NRXN3: variants seen among roughly 807,000 people sequenced by gnomAD.
The protein encoded by NRXN3 is neurexin III.
NRXN3 carries 32 observed loss-of-function variants against 137.6 expected under a neutral mutation model. The ratio of observed to expected loss-of-function variants is 0.23; its 90% CI spans 0.18 to 0.31. The LOEUF (loss-of-function observed/expected upper bound fraction) is 0.31, where lower values mean the gene tolerates loss of function less well. Among genes scored for constraint, NRXN3 ranks in the 10% least tolerant of loss-of-function variants. The pLI is 1.00. For missense variants in NRXN3, 1,574 were observed against 2,062.5 expected (o/e 0.76, Z 4.59); for synonymous variants, 798 against 784.5 (o/e 1.02, Z -0.29).
intron 4 of NRXN3, among the ~76,000 whole-genome samples, chr14:78,478,944 G>A (rs187118920): frequency 4.6e-5 from 7 of 152,244 alleles, no homozygotes; most frequent in Admixed American, 6.5e-5. Context: ...CAAGCTCTAT[G>A]CAGAGATGTG....
intron 15 of NRXN3, among the ~76,000 whole-genome samples, chr14:79,143,491 C>A (rs1304140153): frequency 6.6e-6 from 1 of 152,216 alleles, no homozygotes; most frequent in Non-Finnish European, 1.5e-5. Flanking sequence ...AGATTTCATC[C>A]ACCAGGCTAA....
intron 4 of NRXN3, among the ~76,000 whole-genome samples, chr14:78,602,096 C>A (rs747630518): frequency 1.3e-5 from 2 of 152,168 alleles, no homozygotes; most frequent in Non-Finnish European, 2.9e-5. Flanking sequence ...GGGCGCTGAC[C>A]TGTAGCTCAC....
chr14:79,653,141 A>C (rs907748633), intron 16 of NRXN3, among the ~76,000 whole-genome samples: 1 of 152,068 alleles, frequency 6.6e-6, no homozygotes, highest in Non-Finnish European at 1.5e-5. Flanking sequence ...GGAAAGGAAA[A>C]ATGAGCCCTT....
At chr14:79,761,875 G>T (rs1479813097) in intron 19 of NRXN3, among the ~76,000 whole-genome samples, 1 of 151,524 alleles carries the variant, frequency 6.6e-6, no homozygotes, top group Admixed American at 6.6e-5. Context: ...AAAGGAAGAG[G>T]ATGTCTTATC....
At chr14:79,848,482 T>C (rs1462396950) in intron 20 of NRXN3, among the ~76,000 whole-genome samples, 1 of 103,464 alleles carries the variant, frequency 9.7e-6, no homozygotes, top group Non-Finnish European at 1.9e-5. Context: ...ATTGTTAGTG[T>C]TAGTGTTTTT....
At chr14:78,343,283 T>A (rs2082341173) in intron 4 of NRXN3, among the ~76,000 whole-genome samples, 1 of 152,208 alleles carries the variant, frequency 6.6e-6, no homozygotes, top group South Asian at 2.1e-4. Flanking sequence ...ATATGGAATA[T>A]CATAATCTCA....
chr14:78,667,189 A>T (rs918226862), intron 6 of NRXN3, among the ~76,000 whole-genome samples: 6 of 152,088 alleles, frequency 3.9e-5, no homozygotes, highest in Non-Finnish European at 8.8e-5. Flanking sequence ...TAGGAGGTAG[A>T]CTTCCAGGTT....
chr14:78,963,261 G>T (rs956752007), intron 11 of NRXN3, among the ~76,000 whole-genome samples: 2 of 152,088 alleles, frequency 1.3e-5, no homozygotes, highest in Non-Finnish European at 2.9e-5. Context: ...TTCTCTGAAA[G>T]TTCTCAACTT....
chr14:79,212,015 C>G (rs145676978), intron 15 of NRXN3, among the ~76,000 whole-genome samples: 1 of 151,968 alleles, frequency 6.6e-6, no homozygotes, highest in Non-Finnish European at 1.5e-5. Context: ...TTTTCTTTTT[C>G]CTTCATTCTG....
At position 79,853,520 on chromosome 14, in the gene NRXN3, G is replaced by GC. The variant is rs767232654; in HGVS notation, c.4094-7819dup. ...GTAGGCTCATTTGTTTTTGTATATT[G>GC]CCCATCCCTTCCTTACAGCCAGAAG... On this transcript the variant is annotated intron_variant, in intron 20 of 20. Coordinates refer to ENST00000335750, the MANE Select transcript of NRXN3 (RefSeq NM_001330195.2). 8.2e-6 allele frequency: 11 copies of GC among 1,339,638 alleles called. No individual in the cohort carries two copies. The East Asian group carries it at 1.4e-4, about 17-fold the overall frequency. The allele number at this position is 1,339,638 out of a possible 1,614,324, so 83.0% of individuals were successfully genotyped here. A position where few individuals can be genotyped will look rare whatever the true frequency, so the allele number is the denominator to read the frequency against.
chr14:79,039,264 T>C (rs1311334147), intron 15 of NRXN3, among the ~76,000 whole-genome samples: 1 of 152,160 alleles, frequency 6.6e-6, no homozygotes, highest in Non-Finnish European at 1.5e-5. Context: ...ATGTACTCAC[T>C]GAGAAAAATC....
chr14:79,133,110 A>G (rs927084540), intron 15 of NRXN3, among the ~76,000 whole-genome samples: 2 of 152,358 alleles, frequency 1.3e-5, no homozygotes, highest in South Asian at 4.1e-4. Flanking sequence ...TTGCAGGGTG[A>G]GCTGGGCAGC....
At chr14:78,362,592 G>C (rs1166220428) in intron 4 of NRXN3, among the ~76,000 whole-genome samples, 2 of 152,140 alleles carry the variant, frequency 1.3e-5, no homozygotes, top group Admixed American at 1.3e-4. Flanking sequence ...GAGTTGTATA[G>C]TCATGGTGAG....
At chr14:79,171,101 C>T (rs1458826721) in intron 15 of NRXN3, among the ~76,000 whole-genome samples, 2 of 152,090 alleles carry the variant, frequency 1.3e-5, no homozygotes, top group African/African-American at 4.8e-5. Context: ...AGGTTTTACT[C>T]TTCCCTTGAA....
chr14:78,860,566 G>A (rs1183364250), intron 10 of NRXN3, among the ~76,000 whole-genome samples: 1 of 151,968 alleles, frequency 6.6e-6, no homozygotes, highest in Non-Finnish European at 1.5e-5. Context: ...GTCACTTTAG[G>A]TTATGACAAC....
chr14:79,386,488 G>A (rs1440222414), intron 15 of NRXN3, among the ~76,000 whole-genome samples: 1 of 152,190 alleles, frequency 6.6e-6, no homozygotes, highest in Non-Finnish European at 1.5e-5. Flanking sequence ...CATGCTCATG[G>A]GTAGGAAGAA....
Position 79,742,803 on chromosome 14 carries a change from G to A in NRXN3, c.4014+44866G>A, listed in dbSNP as rs867183640. On this transcript the variant is annotated intron_variant, in intron 19 of 20. Coordinates refer to ENST00000335750, the MANE Select transcript of NRXN3 (RefSeq NM_001330195.2). ...GAAGTTAGTAGATTATTAAACTAAC[G>A]TATGCTTTATAAATACTTCTTCATT... is the stretch of plus-strand genomic sequence containing the variant. Among the ~76,000 whole-genome samples, 115 of 152,250 alleles carry A rather than the reference G, an allele frequency of 7.6e-4. 1 individual carries two copies. In the Middle Eastern group the frequency reaches 0.01, roughly 14 times the overall value.
intron 4 of NRXN3, among the ~76,000 whole-genome samples, chr14:78,627,628 C>CAA: frequency 6.6e-6 from 1 of 152,186 alleles, no homozygotes; most frequent in Admixed American, 6.5e-5. Flanking sequence ...CAAAGTTGTC[C>CAA]CCTGTTAATA....
At chr14:79,564,597 A>G (rs2097530564) in intron 16 of NRXN3, among the ~76,000 whole-genome samples, 1 of 152,128 alleles carries the variant, frequency 6.6e-6, no homozygotes, top group African/African-American at 2.4e-5. Flanking sequence ...ACAAAGACAA[A>G]TTGTGCATTC....
Sources: allele counts gnomAD v4.1 joint callset (sites outside exome capture counted in the v4.1 genomes callset), GRCh38; gene constraint gnomAD v4.1.1; transcripts MANE v1.5; gene names NCBI Gene and HGNC (gene_info 2026-07-23, HGNC 2026-07-21).